The following LSAMP variants were observed in gnomAD, a reference collection of about 807,000 sequenced individuals.
LSAMP encodes limbic system-associated membrane protein.
Under a neutral mutation model 38.6 loss-of-function variants are expected in LSAMP, and 7 were observed. The ratio of observed to expected loss-of-function variants is 0.18; its 90% CI spans 0.10 to 0.34. The LOEUF is 0.34. LSAMP is among the 10% of genes least tolerant of loss of function. The pLI, the probability that LSAMP is intolerant of heterozygous loss-of-function variation, is 1.00. For synonymous variants in LSAMP, 154 were observed against 166.8 expected, an observed-to-expected ratio of 0.92 and a Z score of 0.59; for missense variants, 313 against 420.0, an observed-to-expected ratio of 0.75 and a Z score of 2.23.
intron 1 of LSAMP, among the ~76,000 whole-genome samples, chr3:116,312,334 G>A (rs78386741): frequency 7.4e-4 from 113 of 152,170 alleles, no homozygotes; most frequent in Non-Finnish European, 1.3e-3. Context: ...GCCCATCTTT[G>A]GACTTCTCTT....
chr3:116,051,306 C>G (rs967029219), intron 2 of LSAMP: 1 of 152,070 alleles, frequency 6.6e-6, no homozygotes, highest in Non-Finnish European at 1.5e-5. Context: ...CCATGTGACT[C>G]GTCACTGGAC....
chr3:116,074,810 G>A (rs1007395876), intron 2 of LSAMP, among the ~76,000 whole-genome samples: 1 of 144,742 alleles, frequency 6.9e-6, no homozygotes, highest in Non-Finnish European at 1.5e-5. Flanking sequence ...GGCAATTTAT[G>A]TCTTTGACAA....
chr3:116,423,489 G>A (rs2049157072), intron 1 of LSAMP, among the ~76,000 whole-genome samples: 1 of 152,144 alleles, frequency 6.6e-6, no homozygotes, highest in Non-Finnish European at 1.5e-5. Flanking sequence ...ACATTCCTCT[G>A]GGGGATAGAG....
At chr3:115,931,064 C>A (rs577763347) in intron 3 of LSAMP, among the ~76,000 whole-genome samples, 3 of 152,286 alleles carry the variant, frequency 2.0e-5, no homozygotes, top group Non-Finnish European at 4.4e-5. Flanking sequence ...AGATGATAAG[C>A]AACCCAATTG....
intron 1 of LSAMP, among the ~76,000 whole-genome samples, chr3:116,367,224 G>A (rs1316060876): frequency 6.6e-6 from 1 of 152,098 alleles, no homozygotes; most frequent in Non-Finnish European, 1.5e-5. Flanking sequence ...ACACCCAGCA[G>A]CATCTTCAAA....
intron 3 of LSAMP, among the ~76,000 whole-genome samples, chr3:115,938,573 A>G (rs1382337061): frequency 1.3e-5 from 2 of 152,066 alleles, no homozygotes; most frequent in Non-Finnish European, 2.9e-5. Flanking sequence ...ATACCAATCC[A>G]CTCCGTCTTT....
chr3:115,869,473 GACAATACTAAAAAGCAAAGAAGA>G (rs2107388379), intron 3 of LSAMP, among the ~76,000 whole-genome samples: 2 of 152,210 alleles, frequency 1.3e-5, no homozygotes, highest in South Asian at 4.1e-4. Context: ...GGCATAGTTA[GACAATACTAAAAAGCAAAGAAGA>G]TGCCACTATC....
Position 115,805,666 on chromosome 3 carries a change from A to G in LSAMP, c.*4651T>C, listed in dbSNP as rs1460064923. On this transcript the variant is annotated 3_prime_UTR_variant, in exon 7 of 7. Transcript: ENST00000490035. ...ACACCAGCTTCCTTGCCAAGAGAAAAGTGAGATGTACATGCTGGGTGAAAA... is the reference window on the plus strand; with the variant it reads ...ACACCAGCTTCCTTGCCAAGAGAAAGGTGAGATGTACATGCTGGGTGAAAA... The G allele has an allele frequency of 1.3e-5, 2 of 152,224 alleles. No homozygotes were observed. The highest frequency in any genetic ancestry group is 3.8e-4 in the East Asian group (2 of 5,198). 9.4% of individuals were successfully genotyped at this position (152,224 alleles called of 1,614,324 possible).
At chr3:116,373,210 T>C (rs1421410913) in intron 1 of LSAMP, among the ~76,000 whole-genome samples, 1 of 151,328 alleles carries the variant, frequency 6.6e-6, no homozygotes. Context: ...GTGTTTTTTA[T>C]ATATATGTAT....
chr3:116,173,799 A>ATTG (rs1710268851), intron 1 of LSAMP, among the ~76,000 whole-genome samples: 4 of 145,578 alleles, frequency 2.7e-5, no homozygotes, highest in Non-Finnish European at 3.0e-5. Flanking sequence ...TTTTTTTTTA[A>ATTG]CAATTGGGAA....
intron 1 of LSAMP, among the ~76,000 whole-genome samples, chr3:116,437,315 G>C (rs1421357599): frequency 6.6e-6 from 1 of 152,008 alleles, no homozygotes; most frequent in Non-Finnish European, 1.5e-5. Context: ...TACTGCTCGG[G>C]TGATGGGTGC....
chr3:116,100,922 C>A (rs1408303655), intron 1 of LSAMP, among the ~76,000 whole-genome samples: 1 of 152,220 alleles, frequency 6.6e-6, no homozygotes, highest in Non-Finnish European at 1.5e-5. Context: ...TATACAAAAT[C>A]TATCTCAGAT....
intron 1 of LSAMP, among the ~76,000 whole-genome samples, chr3:116,245,157 G>A (rs116791352): frequency 6.6e-5 from 10 of 152,262 alleles, no homozygotes; most frequent in African/African-American, 2.4e-4. Flanking sequence ...TTTATAAGAA[G>A]AGGAGACAAG....
intron 1 of LSAMP, among the ~76,000 whole-genome samples, chr3:116,379,714 T>A (rs1032833867): frequency 1.3e-5 from 2 of 151,748 alleles, no homozygotes; most frequent in African/African-American, 4.8e-5. Context: ...GGACCAGAGG[T>A]GAAAACCATA....
intron 1 of LSAMP, among the ~76,000 whole-genome samples, chr3:116,292,200 A>G (rs1290454581): frequency 2.0e-5 from 3 of 152,200 alleles, no homozygotes; most frequent in African/African-American, 7.2e-5. Flanking sequence ...AGGAAATAAT[A>G]TCACACTGAC....
At chr3:115,824,261 A>G (rs187772938) in intron 6 of LSAMP, among the ~76,000 whole-genome samples, 60 of 152,328 alleles carry the variant, frequency 3.9e-4, no homozygotes, top group African/African-American at 1.3e-3. Context: ...TCAGGACTAG[A>G]CATGCAGTTT....
chr3:116,292,519 G>C (rs2047281511), intron 1 of LSAMP, among the ~76,000 whole-genome samples: 4 of 152,246 alleles, frequency 2.6e-5, no homozygotes, highest in South Asian at 2.1e-4. Flanking sequence ...ATAAAATCTT[G>C]AGCAAATGCA....
chr3:116,019,255 C>CAT (rs1209903282), intron 3 of LSAMP, among the ~76,000 whole-genome samples: 1 of 150,938 alleles, frequency 6.6e-6, no homozygotes. Flanking sequence ...GCCAGATCTA[C>CAT]ATATATATTC....
At chr3:115,962,058 C>T (rs929489647) in intron 3 of LSAMP, among the ~76,000 whole-genome samples, 4 of 152,168 alleles carry the variant, frequency 2.6e-5, no homozygotes, top group African/African-American at 7.2e-5. Context: ...TTTCTTGACC[C>T]AGCAAAGTGG....
Sources: allele counts gnomAD v4.1 joint callset (sites outside exome capture counted in the v4.1 genomes callset), GRCh38; gene constraint gnomAD v4.1.1; transcripts MANE v1.5; gene names NCBI Gene and HGNC (gene_info 2026-07-23, HGNC 2026-07-21).